TTC28: variants seen among roughly 807,000 people sequenced by gnomAD.
TTC28 encodes the protein tetratricopeptide repeat protein 28.
Under a neutral mutation model 198.0 loss-of-function variants are expected in TTC28, and 61 were observed. The ratio of observed to expected loss-of-function variants is 0.31; its 90% CI spans 0.25 to 0.38. The LOEUF (loss-of-function observed/expected upper bound fraction) is 0.38, where lower values mean the gene tolerates loss of function less well. Among genes scored for constraint, TTC28 ranks in the 10% least tolerant of loss-of-function variants. TTC28 has a pLI of 1.00. For missense variants in TTC28, 2,678 were observed against 3,164.0 expected, an observed-to-expected ratio of 0.85 and a Z score of 3.69; for synonymous variants, 1,171 against 1,297.8, an observed-to-expected ratio of 0.90 and a Z score of 2.10.
At chr22:28,256,348 G>A (rs1057299552) in intron 5 of TTC28, among the ~76,000 whole-genome samples, 5 of 150,714 alleles carry the variant, frequency 3.3e-5, no homozygotes, top group African/African-American at 1.2e-4. Context: ...TTGAACCCAG[G>A]AGGCAGAGGT....
At chr22:28,578,677 T>C (rs1363680684) in intron 2 of TTC28, among the ~76,000 whole-genome samples, 2 of 152,146 alleles carry the variant, frequency 1.3e-5, no homozygotes, top group African/African-American at 4.8e-5. Flanking sequence ...CTGAATTGCC[T>C]ACACCACCCT....
In TTC28 at chr22:28,450,823, A is replaced by G. The variant is rs142210069; in HGVS notation, c.382-144180T>C. 1.1e-3 allele frequency among the ~76,000 whole-genome samples: 166 copies of G among 152,338 alleles called. No homozygotes were observed. The East Asian group carries it at 0.029, about 27-fold the overall frequency. On this transcript the variant is annotated intron_variant, in intron 2 of 22. Coordinates refer to ENST00000397906, the MANE Select transcript of TTC28 (RefSeq NM_001145418.2). ...AAATAAAGGAAAAATACTGCTTTCC[A>G]AATGTTTCAGACAATAGGCAGCACA... is the stretch of plus-strand genomic sequence containing the variant.
chr22:28,360,873 TCA>T (rs1227200484), intron 2 of TTC28, among the ~76,000 whole-genome samples: 3 of 152,224 alleles, frequency 2.0e-5, no homozygotes, highest in African/African-American at 4.8e-5. Flanking sequence ...TCTCACAATT[TCA>T]CACTTTTTCA....
intron 1 of TTC28, among the ~76,000 whole-genome samples, chr22:28,645,579 A>T (rs1308097638): frequency 6.6e-6 from 1 of 151,390 alleles, no homozygotes; most frequent in Non-Finnish European, 1.5e-5. Context: ...GGGAGCCAAG[A>T]TCAAGCCACT....
intron 1 of TTC28, among the ~76,000 whole-genome samples, chr22:28,639,969 C>A (rs1399058135): frequency 6.6e-6 from 1 of 152,004 alleles, no homozygotes; most frequent in Non-Finnish European, 1.5e-5. Context: ...CTTGATACAG[C>A]TAACAACAAG....
chr22:28,310,175 A>ACACCCAC (rs66509137), intron 2 of TTC28, among the ~76,000 whole-genome samples: 1 of 123,592 alleles, frequency 8.1e-6, no homozygotes, highest in African/African-American at 3.3e-5. Flanking sequence ...CACACACACA[A>ACACCCAC]AAAACAAGAC....
At chr22:28,132,060 C>T (rs1462929163) in intron 6 of TTC28, among the ~76,000 whole-genome samples, 3 of 151,878 alleles carry the variant, frequency 2.0e-5, no homozygotes, top group African/African-American at 7.3e-5. Flanking sequence ...CCACAATTCC[C>T]AACAGTTATA....
chr22:28,039,884 TA>T (rs1939542851), intron 12 of TTC28, among the ~76,000 whole-genome samples: 1 of 151,918 alleles, frequency 6.6e-6, no homozygotes, highest in Non-Finnish European at 1.5e-5. Flanking sequence ...ATAGACATGA[TA>T]AAAAATGATA....
At chr22:28,398,769 C>A (rs1216620372) in intron 2 of TTC28, among the ~76,000 whole-genome samples, 1 of 152,144 alleles carries the variant, frequency 6.6e-6, no homozygotes, top group Non-Finnish European at 1.5e-5. Flanking sequence ...AACTTTGGAA[C>A]CTACCCCCCA....
At position 28,100,037 on chromosome 22, in the gene TTC28, C is replaced by T. The variant is rs547349374; in HGVS notation, c.3418-993G>A. 1.2e-4 allele frequency among the ~76,000 whole-genome samples: 19 copies of T among 152,340 alleles called. 1 individual carries two copies. Among genetic ancestry groups the T allele is most frequent in the African/African-American group, 4.3e-4 (18 of 41,592 alleles). ...TAACAGGCTCCTCCATCAGTGAGGC[C>T]ATCAGACTTTTCTGACTCTGATATT... is the stretch of plus-strand genomic sequence containing the variant. On this transcript the variant is annotated intron_variant, in intron 9 of 22. Transcript: ENST00000397906.
intron 2 of TTC28, among the ~76,000 whole-genome samples, chr22:28,462,877 A>G (rs2047968436): frequency 6.6e-6 from 1 of 152,226 alleles, no homozygotes; most frequent in Admixed American, 6.5e-5. Context: ...TGATACTAAT[A>G]TTCCAGTCTA....
intron 12 of TTC28, among the ~76,000 whole-genome samples, chr22:28,080,017 C>T (rs898467212): frequency 6.6e-6 from 1 of 152,194 alleles, no homozygotes; most frequent in African/African-American, 2.4e-5. Context: ...GCATGAGCCA[C>T]CATGCCCAGC....
At chr22:28,027,380 T>C (rs767178598) in intron 13 of TTC28, among the ~76,000 whole-genome samples, 3 of 152,092 alleles carry the variant, frequency 2.0e-5, no homozygotes. Context: ...AGAAGAAAAA[T>C]AGTGATTGCC....
chr22:28,001,191 G>A (rs1470346001), intron 15 of TTC28, 183 bp downstream of exon 15: 4 of 691,944 alleles, frequency 5.8e-6, no homozygotes, highest in African/African-American at 5.4e-5. Flanking sequence ...GGTCATGAGG[G>A]CCGTGCCCCA....
intron 2 of TTC28, among the ~76,000 whole-genome samples, chr22:28,308,966 T>C (rs923478809): frequency 6.6e-6 from 1 of 152,168 alleles, no homozygotes; most frequent in Non-Finnish European, 1.5e-5. Context: ...TCTCCCAACA[T>C]TTATCCATGC....
intron 5 of TTC28, among the ~76,000 whole-genome samples, chr22:28,193,587 G>A (rs1185689638): frequency 1.3e-5 from 2 of 152,146 alleles, no homozygotes; most frequent in African/African-American, 4.8e-5. Flanking sequence ...AAGGGATGGA[G>A]GAAGATCTGC....
intron 1 of TTC28, among the ~76,000 whole-genome samples, chr22:28,679,224 C>A (rs1398976901): frequency 6.6e-6 from 1 of 152,228 alleles, no homozygotes; most frequent in African/African-American, 2.4e-5. Flanking sequence ...CCTGAGCATC[C>A]CGGGCTGCGC....
chr22:28,590,656 A>G (rs1419455850), intron 2 of TTC28, among the ~76,000 whole-genome samples: 1 of 152,112 alleles, frequency 6.6e-6, no homozygotes, highest in African/African-American at 2.4e-5. Flanking sequence ...AGAAGTCCTA[A>G]TCTTTACAGC....
intron 2 of TTC28, among the ~76,000 whole-genome samples, chr22:28,587,147 G>A (rs909819687): frequency 2.6e-5 from 4 of 152,030 alleles, no homozygotes; most frequent in African/African-American, 7.2e-5. Context: ...ATTTGAAGCC[G>A]GGAGTTCGAG....
Sources: allele counts gnomAD v4.1 joint callset (sites outside exome capture counted in the v4.1 genomes callset), GRCh38; gene constraint gnomAD v4.1.1; transcripts MANE v1.5; gene names NCBI Gene and HGNC (gene_info 2026-07-23, HGNC 2026-07-21).